Variants in ABHD2 observed in about 807,000 individuals in gnomAD.
ABHD2 encodes monoacylglycerol lipase ABHD2.
Under a neutral mutation model 48.1 loss-of-function variants are expected in ABHD2, and 20 were observed. The ratio of observed to expected loss-of-function variants is 0.42; its 90% CI spans 0.29 to 0.60. The LOEUF (loss-of-function observed/expected upper bound fraction) is 0.60. ABHD2 is among the 20% of genes least tolerant of loss of function. ABHD2 has a pLI of 0.24. For missense variants in ABHD2, 405 were observed against 550.9 expected (o/e 0.74, Z 2.65); for synonymous variants, 209 against 214.2 (o/e 0.98, Z 0.21).
At chr15:89,076,773 A>G in the ABHD2 span, among the ~76,000 whole-genome samples, 1 of 152,170 alleles carries the variant, frequency 6.6e-6, no homozygotes, top group African/African-American at 2.4e-5. Context: ...CATGATCCAT[A>G]ATACCCAGCT....
chr15:89,126,045 C>T (rs77457191), intron 3 of ABHD2, among the ~76,000 whole-genome samples: 1,649 of 152,322 alleles, frequency 0.011, 6 homozygotes, highest in Non-Finnish European at 0.015. Context: ...ACAACCAATT[C>T]TGGTTTCCAA....
At position 89,148,533 on chromosome 15, in the gene ABHD2, A is replaced by G. The variant is rs77521561; in HGVS notation, c.195-3144A>G. Among the ~76,000 whole-genome samples, 750 of 152,358 alleles carry G rather than the reference A, an allele frequency of 4.9e-3. 10 individuals are homozygous for G. Among genetic ancestry groups the G allele is most frequent in the Non-Finnish European group, 7.7e-3 (524 of 68,036 alleles). ...ATGAACCCATCTTTTTTAGAAGGCA[A>G]CTTGGCAGTATCTACAAAATGTAAA... On this transcript the variant is annotated intron_variant, in intron 3 of 10. Coordinates refer to ENST00000352732, the MANE Select transcript of ABHD2 (RefSeq NM_152924.5).
upstream of ABHD2, among the ~76,000 whole-genome samples, chr15:89,084,870 A>C (rs1901328592): frequency 6.6e-6 from 1 of 152,196 alleles, no homozygotes; most frequent in Non-Finnish European, 1.5e-5. The surrounding 1 kb of genome is among the most constrained non-coding windows in gnomAD (Gnocchi z 4.4). Flanking sequence ...GTTTTACAGA[A>C]GAAAGTAGGG....
the ABHD2 span, among the ~76,000 whole-genome samples, chr15:89,067,585 T>C: frequency 6.6e-6 from 1 of 152,132 alleles, no homozygotes; most frequent in East Asian, 1.9e-4. Flanking sequence ...CCAAAGGCCA[T>C]GAGGGGTTTT....
At position 89,149,484 on chromosome 15, in the gene ABHD2, C is replaced by T. The variant is rs143867615; in HGVS notation, c.195-2193C>T. Among the ~76,000 whole-genome samples the T allele has an allele frequency of 7.9e-5, 12 of 152,210 alleles. No homozygotes were observed. In the East Asian group the frequency reaches 2.3e-3, roughly 29 times the overall value. ...AGGTGTGTAATGTATGTCCAGTGCT[C>T]TGGGGATAGAGCTAGAGGTGAATGA... On this transcript the variant is annotated intron_variant, in intron 3 of 10. Coordinates refer to ENST00000352732, the MANE Select transcript of ABHD2 (RefSeq NM_152924.5).
intron 9 of ABHD2, among the ~76,000 whole-genome samples, chr15:89,192,558 A>G (rs915045791): frequency 6.7e-6 from 1 of 148,924 alleles, no homozygotes; most frequent in Non-Finnish European, 1.5e-5. Context: ...TTCCCAGGCT[A>G]GAGTGCGGTG....
chr15:89,116,388 G>A lies in ABHD2; in HGVS notation c.61G>A (p.Ala21Thr). 1 of 1,614,218 alleles carries A rather than the reference G, an allele frequency of 6.2e-7. No homozygotes were observed. The highest frequency in any genetic ancestry group is 1.1e-5 in the South Asian group (1 of 91,090). ...CGTGTTTGATGGAGTGAAGCTGGCTGCAGTGGCTGCTGTGCTGTACGTGAT... is the reference window on the plus strand; with the variant it reads ...CGTGTTTGATGGAGTGAAGCTGGCTACAGTGGCTGCTGTGCTGTACGTGAT... Reference protein sequence around the residue: ...PAVFDGVKLAAVAAVLYVIVR... With the variant: ...PAVFDGVKLATVAAVLYVIVR... Residue 21 changes from alanine to threonine, a missense_variant, in exon 3 of 11, where the codon GCA becomes ACA. By Grantham distance (58) the Ala-to-Thr change is moderately conservative. Transcript: ENST00000352732. This position sits in a 1 kb window ranked among gnomAD's most constrained non-coding sequence, Gnocchi z 4.6.
rs1388598129 is a variant in ABHD2 at position 89,114,162 on chromosome 15, G to T, written c.-7+338G>T. ...TGTTTAGCCTTTGTTTGGCATCCGT[G>T]GCAGGGTTTGGACAAGGTGAGGAAT... On this transcript the variant is annotated intron_variant, in intron 2 of 10. Coordinates refer to ENST00000352732, the MANE Select transcript of ABHD2 (RefSeq NM_152924.5). The surrounding 1 kb of genome is among the most constrained non-coding windows in gnomAD (Gnocchi z 4.2). 6.6e-6 allele frequency among the ~76,000 whole-genome samples: 1 copy of T among 152,186 alleles called. No homozygotes were observed. Among genetic ancestry groups the T allele is most frequent in the African/African-American group, 2.4e-5 (1 of 41,452 alleles).
At chr15:89,178,455 G>A (rs935563904) in intron 6 of ABHD2, among the ~76,000 whole-genome samples, 4 of 152,196 alleles carry the variant, frequency 2.6e-5, no homozygotes, top group Non-Finnish European at 4.4e-5. Context: ...CTCTGCAGGG[G>A]CCACACGAGA....
rs1042134625 is a variant in ABHD2 at position 89,155,204 on chromosome 15, T to C, written c.371-163T>C. Reference sequence around the variant, plus strand: ...ATAAATAGCTTGAGAAGCACTGATATAGACAGCTCCAGCTAGAAGGGAAAA... The same window carrying C: ...ATAAATAGCTTGAGAAGCACTGATACAGACAGCTCCAGCTAGAAGGGAAAA... On this transcript the variant is annotated intron_variant, in intron 4 of 10. Transcript: ENST00000352732. The surrounding 1 kb of genome is among the most constrained non-coding windows in gnomAD (Gnocchi z 4.9). Among the ~76,000 whole-genome samples the C allele has an allele frequency of 1.3e-5, 2 of 152,210 alleles. No individual in the cohort carries two copies. The highest frequency in any genetic ancestry group is 2.4e-5 in the African/African-American group (1 of 41,464).
At chr15:89,152,003 C>T (rs988634399) in intron 4 of ABHD2, 151 bp downstream of exon 4, 3 of 963,830 alleles carry the variant, frequency 3.1e-6, no homozygotes, top group Non-Finnish European at 4.6e-6. Flanking sequence ...CACTTAGGAG[C>T]AGCCTGCAAA....
intron 3 of ABHD2, among the ~76,000 whole-genome samples, chr15:89,138,212 G>GTGTGCACACACATGCATGCACATGCACA (rs2050345409): frequency 6.6e-6 from 1 of 152,182 alleles, no homozygotes. Flanking sequence ...TACCTTTCCT[G>GTGTGCACACACATGCATGCACATGCACA]TGTGCACACA....
chr15:89,135,719 A>T, intron 3 of ABHD2: 1 of 1,290,338 alleles, frequency 7.7e-7, no homozygotes, highest in South Asian at 1.2e-5. Flanking sequence ...CTTTTCCTTC[A>T]GCTTCGCAGC....
rs564054080 is a variant in ABHD2 at position 89,201,934 on chromosome 15, C to T, written c.*6511C>T. The T allele has an allele frequency of 1.7e-4, 91 of 529,970 alleles. No individual in the cohort carries two copies. Among genetic ancestry groups the T allele is most frequent in the Admixed American group, 6.5e-4 (18 of 27,508 alleles). The allele number at this position is 529,970 out of a possible 1,614,324, so 32.8% of individuals were successfully genotyped here. A position where few individuals can be genotyped will look rare whatever the true frequency, so the allele number is the denominator to read the frequency against. On this transcript the variant is annotated 3_prime_UTR_variant, in exon 11 of 11. Transcript: ENST00000352732. ...CTGTTCAACCACATTCTTATGTTGG[C>T]AGATCTGCTTCCAGATTGATTTTTA...
chr15:89,058,670 G>C, the ABHD2 span, among the ~76,000 whole-genome samples: 4 of 152,116 alleles, frequency 2.6e-5, no homozygotes, highest in South Asian at 8.3e-4. Context: ...AATCTGGGTT[G>C]TGACAGGCCA....
chr15:89,098,664 C>G (rs138605499), intron 1 of ABHD2, among the ~76,000 whole-genome samples: 1 of 152,108 alleles, frequency 6.6e-6, no homozygotes, highest in Non-Finnish European at 1.5e-5. Flanking sequence ...ACAAATGTAC[C>G]CTTCTAAATA....
At chr15:89,194,391 C>T (rs943044900) in intron 10 of ABHD2, among the ~76,000 whole-genome samples, 6 of 152,044 alleles carry the variant, frequency 3.9e-5, no homozygotes, top group African/African-American at 1.4e-4. Flanking sequence ...GAGGCTGAGG[C>T]ATGAGAATCG....
intron 3 of ABHD2, among the ~76,000 whole-genome samples, chr15:89,132,521 A>T (rs115704189): frequency 6.6e-6 from 1 of 152,244 alleles, no homozygotes; most frequent in African/African-American, 2.4e-5. Flanking sequence ...TTTCAGATAG[A>T]TATAGATGAA....
chr15:89,090,907 T>C (rs969325822), intron 1 of ABHD2, among the ~76,000 whole-genome samples: 1 of 152,224 alleles, frequency 6.6e-6, no homozygotes, highest in African/African-American at 2.4e-5. Flanking sequence ...TTTAAGGAAG[T>C]TACTTAGTCA....
Sources: allele counts gnomAD v4.1 joint callset (sites outside exome capture counted in the v4.1 genomes callset), GRCh38; gene constraint gnomAD v4.1.1; non-coding constraint Gnocchi (gnomAD v3.1); transcripts MANE v1.5; gene names NCBI Gene and HGNC (gene_info 2026-07-23, HGNC 2026-07-21).